ZNF784: variants seen among roughly 807,000 people sequenced by gnomAD.
The protein encoded by ZNF784 is zinc finger protein 784.
Under a neutral mutation model 3.3 loss-of-function variants are expected in ZNF784, and 5 were observed. The observed-to-expected ratio is 1.53, with a 90% confidence interval of 0.80 to 3.22. The LOEUF (loss-of-function observed/expected upper bound fraction) is 3.22, where lower values mean the gene tolerates loss of function less well. ZNF784 is among the 30% of genes most tolerant of loss of function. The probability of loss-of-function intolerance (pLI) is 0.00; values close to 1 mark genes in which losing one functional copy is unlikely to be tolerated. For missense variants in ZNF784, 501 were observed against 480.7 expected (o/e 1.04, Z -0.39); for synonymous variants, 231 against 219.6 (o/e 1.05, Z -0.46).
At chr19:55,623,931 T>C (rs1365698908) in intron 1 of ZNF784, among the ~76,000 whole-genome samples, 2 of 152,152 alleles carry the variant, frequency 1.3e-5, no homozygotes, top group Non-Finnish European at 2.9e-5. Context: ...ATTAGTCTAA[T>C]TCTGAGTGGG....
intron 1 of ZNF784, among the ~76,000 whole-genome samples, chr19:55,623,329 C>G (rs1981635179): frequency 6.6e-6 from 1 of 152,248 alleles, no homozygotes; most frequent in Non-Finnish European, 1.5e-5. Context: ...CCGCCGCGCC[C>G]GGCCCATCCT....
rs372420414 is a variant in ZNF784 at position 55,621,971 on chromosome 19, G to C, written c.752C>G (p.Pro251Arg). The C allele has an allele frequency of 1.5e-5, 24 of 1,595,010 alleles. No homozygotes were observed. Among genetic ancestry groups the C allele is most frequent in the Admixed American group, 3.4e-5 (2 of 59,348 alleles). The stretch of plus-strand genomic sequence containing the variant: ...GCGGTCGCAGAGCGTGCAGCGGAAC[G>C]GGCGCTCGCCAGTGTGGATGCGGGC... Reference protein sequence around the residue: ...GHARIHTGERPFRCTLCDRTF... With the variant: ...GHARIHTGERRFRCTLCDRTF... Residue 251 changes from proline (P) to arginine (R), a missense_variant, in exon 2 of 2, where the codon CCG (proline) becomes CGG (arginine). Pro to Arg is a moderately radical substitution (Grantham distance 103). Transcript: ENST00000325351. The surrounding 1 kb of genome is among the most constrained non-coding windows in gnomAD (Gnocchi z 4.1).
chr19:55,622,710 A>G lies in ZNF784; in HGVS notation c.79-66T>C, dbSNP rs1600022246. 7.4e-6 allele frequency: 10 copies of G among 1,351,564 alleles called. No homozygotes were observed. In the South Asian group the frequency reaches 1.3e-4, roughly 17 times the overall value. The allele number at this position is 1,351,564 out of a possible 1,614,324, so 83.7% of individuals were successfully genotyped here. Reference sequence around the variant, plus strand: ...CTCAGGACCGCCCCAGCACGCCCCAATTATTAAAGCTTGGGCTCCTCTGTT... The same window carrying G: ...CTCAGGACCGCCCCAGCACGCCCCAGTTATTAAAGCTTGGGCTCCTCTGTT... On this transcript the variant is annotated intron_variant, in intron 1 of 1. Transcript: ENST00000325351. This position sits in a 1 kb window ranked among gnomAD's most constrained non-coding sequence, Gnocchi z 5.9.
rs1385015580 is a variant in ZNF784 at position 55,620,778 on chromosome 19, G to A, written c.*973C>T. 1.3e-5 allele frequency: 2 copies of A among 152,682 alleles called. No individual in the cohort carries two copies. Among genetic ancestry groups the A allele is most frequent in the Non-Finnish European group, 2.9e-5 (2 of 68,090 alleles). The allele number at this position is 152,682 out of a possible 1,614,324, so 9.5% of individuals were successfully genotyped here. On this transcript the variant is annotated 3_prime_UTR_variant, in exon 2 of 2. Coordinates refer to ENST00000325351, the MANE Select transcript of ZNF784 (RefSeq NM_203374.2). ...GTCCTTTAATAGGAACAGAACTGAA[G>A]GTGTCACACCTCCAGCTCCCAAGTC...
At position 55,622,190 on chromosome 19, in the gene ZNF784, C is replaced by A. The variant is rs1309613804; in HGVS notation, c.533G>T (p.Arg178Met). The A allele has an allele frequency of 1.8e-5, 27 of 1,533,764 alleles. No homozygotes were observed. The highest frequency in any genetic ancestry group is 2.4e-5 in the Non-Finnish European group (27 of 1,145,038). Residue 178 changes from arginine (R) to methionine (M), a missense_variant, in exon 2 of 2, where the codon AGG becomes ATG. Arg to Met is a moderately conservative substitution (Grantham distance 91). Transcript: ENST00000325351. The surrounding 1 kb of genome is among the most constrained non-coding windows in gnomAD (Gnocchi z 5.9). The stretch of plus-strand genomic sequence containing the variant: ...CGCCGCCGCCATCACCACCTCCGCC[C>A]TCTCCGGGGCCACCCCGGGCCTCTG... Reference protein sequence around the residue: ...AEQRPGVAPERAEVVMAAAAA... With the variant: ...AEQRPGVAPEMAEVVMAAAAA...
intron 1 of ZNF784, among the ~76,000 whole-genome samples, chr19:55,624,216 C>T (rs1164493830): frequency 6.6e-6 from 1 of 151,552 alleles, no homozygotes; most frequent in African/African-American, 2.4e-5. Context: ...GACCCAAACC[C>T]GTCCCACAAG....
At position 55,624,547 on chromosome 19, in the gene ZNF784, G is replaced by T; in HGVS notation, c.15C>A (p.Arg5=). 6.3e-7 allele frequency: 1 copy of T among 1,594,380 alleles called. No homozygotes were observed. The highest frequency in any genetic ancestry group is 8.5e-7 in the Non-Finnish European group (1 of 1,171,702). ...GTGAGCTCCGACTCTGGGCCTCTGGGCGCGCAGCGGCCATCTTGTGCCCAA... is the reference window on the plus strand; with the variant it reads ...GTGAGCTCCGACTCTGGGCCTCTGGTCGCGCAGCGGCCATCTTGTGCCCAA... MAAA[R]PEAQSRSSPT... The change falls in exon 1 of 2, where the codon CGC becomes CGA. Residue 5 remains arginine, a synonymous_variant. Coordinates refer to ENST00000325351, the MANE Select transcript of ZNF784 (RefSeq NM_203374.2).
At chr19:55,624,047 C>T (rs540856402) in intron 1 of ZNF784, among the ~76,000 whole-genome samples, 2 of 152,272 alleles carry the variant, frequency 1.3e-5, no homozygotes, top group African/African-American at 4.8e-5. Flanking sequence ...GAATTATCCC[C>T]TACCCCGACA....
In ZNF784 at chr19:55,622,183, C is replaced by T. The variant is rs757463501; in HGVS notation, c.540G>A (p.Glu180=). ...QRPGVAPERA[E]VVMAAAAAGA... is the part of the protein sequence containing the mutation. Reference sequence around the variant, plus strand: ...CCGCCGCCGCCGCCGCCATCACCACCTCCGCCCTCTCCGGGGCCACCCCGG... The same window carrying T: ...CCGCCGCCGCCGCCGCCATCACCACTTCCGCCCTCTCCGGGGCCACCCCGG... The change falls in exon 2 of 2, where the codon GAG becomes GAA. Residue 180 remains glutamate, a synonymous_variant. Transcript: ENST00000325351. The surrounding 1 kb of genome is among the most constrained non-coding windows in gnomAD (Gnocchi z 5.9). 2.0e-5 allele frequency: 31 copies of T among 1,533,614 alleles called. 1 individual carries two copies. In the South Asian group the frequency reaches 3.5e-4, roughly 17 times the overall value.
At position 55,624,504 on chromosome 19, in the gene ZNF784, A is replaced by G. The variant is rs1981680393; in HGVS notation, c.58T>C (p.Ser20Pro). 2 of 1,604,612 alleles carry G rather than the reference A, an allele frequency of 1.2e-6. No individual in the cohort carries two copies. The highest frequency in any genetic ancestry group is 1.1e-5 in the South Asian group (1 of 89,598). Reference sequence around the variant, plus strand: ...CGCACCAGGTCCAGTGGCTCCTGGGATCGCGACTCCGGAGTCGGTGAGCTC... The same window carrying G: ...CGCACCAGGTCCAGTGGCTCCTGGGGTCGCGACTCCGGAGTCGGTGAGCTC... ...SRSSPTPESR[S>P]QEPLDLVLVP... is the part of the protein sequence containing the mutation. The change falls in exon 1 of 2, where the codon TCC becomes CCC. Residue 20 changes from serine to proline, a missense_variant. By Grantham distance (74) the Ser-to-Pro change is moderately conservative (BLOSUM62 -1). Transcript: ENST00000325351.
rs1488404228 is a variant in ZNF784 at position 55,622,327 on chromosome 19, C to T, written c.396G>A (p.Ala132=). Residue 132 remains alanine, a synonymous_variant, in exon 2 of 2, where the codon GCG becomes GCA. Transcript: ENST00000325351. This position sits in a 1 kb window ranked among gnomAD's most constrained non-coding sequence, Gnocchi z 5.9. ...LHTGERPYRC[A]LCPRAFKALA... ...AGGCCTTGAAGGCGCGGGGGCAGAG[C>T]GCGCAGCGGTAGGGCCGCTCCCCCG... 3 of 1,509,396 alleles carry T rather than the reference C, an allele frequency of 2.0e-6. No homozygotes were observed. The highest frequency in any genetic ancestry group is 1.8e-6 in the Non-Finnish European group (2 of 1,130,376). The allele number at this position is 1,509,396 out of a possible 1,614,324, so 93.5% of individuals were successfully genotyped here.
chr19:55,622,608 G>C lies in ZNF784; in HGVS notation c.115C>G (p.Pro39Ala). 2 of 1,583,128 alleles carry C rather than the reference G, an allele frequency of 1.3e-6. No individual in the cohort carries two copies. Among genetic ancestry groups the C allele is most frequent in the Non-Finnish European group, 1.7e-6 (2 of 1,164,106 alleles). The change falls in exon 2 of 2, where the codon CCG becomes GCG. Residue 39 changes from proline to alanine, a missense_variant. Coordinates refer to ENST00000325351, the MANE Select transcript of ZNF784 (RefSeq NM_203374.2). The surrounding 1 kb of genome is among the most constrained non-coding windows in gnomAD (Gnocchi z 5.9). ...ACCTGGATCTCGATGAGGTCACTCG[G>C]GGGTGTGCCAGGCCGGCAGTCATCA... The part of the protein sequence containing the change: ...VPDDCRPGTP[P>A]SDLIEIQVVK...
chr19:55,622,446 C>T lies in ZNF784; in HGVS notation c.277G>A (p.Gly93Arg), dbSNP rs753861889. 6.2e-6 allele frequency: 10 copies of T among 1,606,362 alleles called. No homozygotes were observed. The highest frequency in any genetic ancestry group is 1.3e-5 in the African/African-American group (1 of 74,830). The change falls in exon 2 of 2, where the codon GGA becomes AGA. Residue 93 changes from glycine to arginine, a missense_variant. Physicochemically the swap from Gly to Arg is moderately radical, Grantham distance 125. Transcript: ENST00000325351. The surrounding 1 kb of genome is among the most constrained non-coding windows in gnomAD (Gnocchi z 5.9). The stretch of plus-strand genomic sequence containing the variant: ...CTCGGGTCCCCACCCTGCCCGCCTC[C>T]CTCGGCCCCAGCCAAGTGGCCATGT... Reference protein sequence around the residue: ...HEHGHLAGAEGGGQGGDPSRC... With the variant: ...HEHGHLAGAERGGQGGDPSRC...
Position 55,622,365 on chromosome 19 carries a change from A to G in ZNF784, c.358T>C (p.Tyr120His). 1 of 1,531,214 alleles carries G rather than the reference A, an allele frequency of 6.5e-7. No individual in the cohort carries two copies. The highest frequency in any genetic ancestry group is 8.8e-7 in the Non-Finnish European group (1 of 1,141,006). 94.9% of individuals were successfully genotyped at this position (1,531,214 alleles called of 1,614,324 possible). A position where few individuals can be genotyped will look rare whatever the true frequency, so the allele number is the denominator to read the frequency against. Residue 120 changes from tyrosine to histidine, a missense_variant, in exon 2 of 2, where the codon TAC becomes CAC. Transcript: ENST00000325351. This position sits in a 1 kb window ranked among gnomAD's most constrained non-coding sequence, Gnocchi z 5.9. Reference sequence around the variant, plus strand: ...GGCCGCTCCCCCGTGTGCAAGCTGTAGTGCGCGCGCAGGCTGGCGGGGCCC... The same window carrying G: ...GGCCGCTCCCCCGTGTGCAAGCTGTGGTGCGCGCGCAGGCTGGCGGGGCCC... Reference protein sequence around the residue: ...CPGPASLRAHYSLHTGERPYR... With the variant: ...CPGPASLRAHHSLHTGERPYR...
At chr19:55,624,392 ACCCCCTCATAGGCCACGCCCCGGACCCG>A in intron 1 of ZNF784, 64 bp downstream of exon 1, 1 of 249,172 alleles carries the variant, frequency 4.0e-6, no homozygotes, top group Non-Finnish European at 7.0e-6. Flanking sequence ...TCCCTCGCCC[ACCCCCTCATAGGCCACGCCCCGGACCCG>A]CCCCCCACAC....
Position 55,621,932 on chromosome 19 carries a change from G to T in ZNF784, c.791C>A (p.Ser264Tyr), listed in dbSNP as rs149184723. ...CTLCDRTFNN[S>Y]SNFRKHQRTH... is the part of the protein sequence containing the mutation. ...GCGCTGGTGCTTGCGGAAGTTGGAG[G>T]AGTTGTTGAAGGTGCGGTCGCAGAG... The change falls in exon 2 of 2, where the codon TCC (serine) becomes TAC (tyrosine). Residue 264 changes from serine (S) to tyrosine (Y), a missense_variant. Coordinates refer to ENST00000325351, the MANE Select transcript of ZNF784 (RefSeq NM_203374.2). The surrounding 1 kb of genome is among the most constrained non-coding windows in gnomAD (Gnocchi z 4.1). 9.7e-4 allele frequency: 1,556 copies of T among 1,596,344 alleles called. 4 individuals are homozygous for T. The highest frequency in any genetic ancestry group is 2.2e-3 in the Middle Eastern group (10 of 4,584).
rs1418895328 is a variant in ZNF784 at position 55,622,218 on chromosome 19, C to T, written c.505G>A (p.Glu169Lys). 2 of 1,535,264 alleles carry T rather than the reference C, an allele frequency of 1.3e-6. No homozygotes were observed. Among genetic ancestry groups the T allele is most frequent in the Non-Finnish European group, 1.7e-6 (2 of 1,145,714 alleles). The change falls in exon 2 of 2, where the codon GAA becomes AAA. Residue 169 changes from glutamate to lysine, a missense_variant. Transcript: ENST00000325351. The surrounding 1 kb of genome is among the most constrained non-coding windows in gnomAD (Gnocchi z 5.9). Reference sequence around the variant, plus strand: ...TCCGGGGCCACCCCGGGCCTCTGTTCTGCAACGGCCGCTGTGTCCGGAGGC... The same window carrying T: ...TCCGGGGCCACCCCGGGCCTCTGTTTTGCAACGGCCGCTGTGTCCGGAGGC... ...RRPPDTAAVA[E>K]QRPGVAPERA...
chr19:55,621,274 T>A lies in ZNF784; in HGVS notation c.*477A>T, dbSNP rs1026645442. The A allele has an allele frequency of 1.0e-5, 2 of 197,748 alleles. No individual in the cohort carries two copies. Among genetic ancestry groups the A allele is most frequent in the Admixed American group, 5.3e-5 (1 of 18,862 alleles). 12.2% of individuals were successfully genotyped at this position (197,748 alleles called of 1,614,324 possible). A position where few individuals can be genotyped will look rare whatever the true frequency, so the allele number is the denominator to read the frequency against. On this transcript the variant is annotated 3_prime_UTR_variant, in exon 2 of 2. Coordinates refer to ENST00000325351, the MANE Select transcript of ZNF784 (RefSeq NM_203374.2). This position sits in a 1 kb window ranked among gnomAD's most constrained non-coding sequence, Gnocchi z 4.1. Reference sequence around the variant, plus strand: ...GGGTGGATAGGCATCCCAGGTCCAGTGCAATGCAGTGAGGTAGGCAGGAGA... The same window carrying A: ...GGGTGGATAGGCATCCCAGGTCCAGAGCAATGCAGTGAGGTAGGCAGGAGA...
At chr19:55,624,366 C>G (rs550301439) in intron 1 of ZNF784, 118 bp downstream of exon 1, 4 of 877,720 alleles carry the variant, frequency 4.6e-6, no homozygotes, top group Middle Eastern at 3.7e-4. Flanking sequence ...CCCCCAGGGC[C>G]ATAGCACTAA....
Sources: gnomAD v4.1 joint callset for allele counts (sites outside exome capture counted in the v4.1 genomes callset) on GRCh38, gnomAD v4.1.1 for gene constraint, Gnocchi (gnomAD v3.1) non-coding constraint, MANE v1.5 for transcripts, NCBI Gene and HGNC (gene_info 2026-07-23, HGNC 2026-07-21) for gene names.